GSK3B: variants seen among roughly 807,000 people sequenced by gnomAD.
GSK3B encodes the protein glycogen synthase kinase 3 beta, also known as glycogen synthase kinase-3 beta.
GSK3B carries 15 observed loss-of-function variants against 56.4 expected under a neutral mutation model. The observed-to-expected ratio is 0.27, with a 90% confidence interval of 0.18 to 0.41. GSK3B has a LOEUF of 0.41. Ranked by LOEUF, GSK3B falls within the 10% of genes least tolerant of loss-of-function variation. The pLI, the probability that GSK3B is intolerant of heterozygous loss-of-function variation, is 1.00. For missense variants in GSK3B, 300 were observed against 513.4 expected, an observed-to-expected ratio of 0.58 and a Z score of 4.02; for synonymous variants, 181 against 188.9, an observed-to-expected ratio of 0.96 and a Z score of 0.34.
At chr3:119,892,647 C>A (rs941272049) in intron 7 of GSK3B, among the ~76,000 whole-genome samples, 1 of 152,118 alleles carries the variant, frequency 6.6e-6, no homozygotes, top group Non-Finnish European at 1.5e-5. Context: ...AAACTGTTCA[C>A]TAAATTAACG....
intron 4 of GSK3B, among the ~76,000 whole-genome samples, chr3:119,917,229 T>A (rs1055286415): frequency 2.5e-4 from 38 of 152,204 alleles, no homozygotes; most frequent in African/African-American, 8.2e-4. Flanking sequence ...TTAATTAAAG[T>A]TAACATGAAA....
chr3:119,967,736 C>T (rs1280445500), intron 2 of GSK3B, among the ~76,000 whole-genome samples: 1 of 151,560 alleles, frequency 6.6e-6, no homozygotes, highest in African/African-American at 2.4e-5. Flanking sequence ...TTCCTTTCTC[C>T]CGTCCCGTCC....
In GSK3B at chr3:119,822,348, C is replaced by T. The variant is rs1218376867; in HGVS notation, c.*4440G>A. 1.0e-5 allele frequency: 2 copies of T among 200,880 alleles called. No homozygotes were observed. The highest frequency in any genetic ancestry group is 1.9e-4 in the South Asian group (1 of 5,248). 12.4% of individuals were successfully genotyped at this position (200,880 alleles called of 1,614,324 possible). On this transcript the variant is annotated 3_prime_UTR_variant, in exon 11 of 11. Transcript: ENST00000264235. ...ATGTGTACAGGCCCAAGTGATCCAT[C>T]GGCAACACATTTATAAATGCAAATT...
chr3:120,079,353 T>TCA (rs1404251558), intron 1 of GSK3B, among the ~76,000 whole-genome samples: 4 of 126,600 alleles, frequency 3.2e-5, no homozygotes, highest in Non-Finnish European at 5.1e-5. Flanking sequence ...CACACACATT[T>TCA]TTTTTTTTAA....
chr3:119,940,109 T>TG (rs558912187), intron 3 of GSK3B, among the ~76,000 whole-genome samples: 2,157 of 131,996 alleles, frequency 0.016, 45 homozygotes, highest in African/African-American at 0.067. Context: ...TGTGTGTGTG[T>TG]TTGTGTGTGT....
chr3:120,023,680 T>C lies in GSK3B; in HGVS notation c.89-21441A>G, dbSNP rs186035421. On this transcript the variant is annotated intron_variant, in intron 1 of 10. Coordinates refer to ENST00000264235, the MANE Select transcript of GSK3B (RefSeq NM_001146156.2). Reference sequence around the variant, plus strand: ...CATACACACACCCTCGTCACAAACCTTTGTCCTAGGTATCTCCAATATCCA... The same window carrying C: ...CATACACACACCCTCGTCACAAACCCTTGTCCTAGGTATCTCCAATATCCA... Among the ~76,000 whole-genome samples, 8 of 152,208 alleles carry C rather than the reference T, an allele frequency of 5.3e-5. No homozygotes were observed. The East Asian group carries it at 1.5e-3, about 29-fold the overall frequency.
chr3:120,091,611 A>G (rs2058513250), intron 1 of GSK3B, among the ~76,000 whole-genome samples: 1 of 152,184 alleles, frequency 6.6e-6, no homozygotes, highest in African/African-American at 2.4e-5. Flanking sequence ...CTATATTACC[A>G]AGATGTAAAA....
At chr3:119,939,975 A>C (rs551293967) in intron 3 of GSK3B, among the ~76,000 whole-genome samples, 1 of 152,232 alleles carries the variant, frequency 6.6e-6, no homozygotes, top group South Asian at 2.1e-4. Context: ...AAGTAAAGAA[A>C]AATGGAGAAT....
intron 1 of GSK3B, among the ~76,000 whole-genome samples, chr3:120,072,348 A>C (rs1207102821): frequency 6.6e-6 from 1 of 152,132 alleles, no homozygotes; most frequent in African/African-American, 2.4e-5. Context: ...ACTTGAAGTC[A>C]GGAGTTCAAG....
chr3:119,922,252 AGG>A (rs2056850095), intron 4 of GSK3B, among the ~76,000 whole-genome samples: 1 of 144,730 alleles, frequency 6.9e-6, no homozygotes, highest in South Asian at 2.2e-4. Flanking sequence ...GAAGGAAGGA[AGG>A]AAGGAAGGAA....
chr3:120,066,097 T>G (rs2058276057), intron 1 of GSK3B, among the ~76,000 whole-genome samples: 1 of 152,180 alleles, frequency 6.6e-6, no homozygotes, highest in South Asian at 2.1e-4. Flanking sequence ...AAGTAGTCAA[T>G]ACAACGCTAT....
At chr3:120,017,106 G>C (rs2057833922) in intron 1 of GSK3B, among the ~76,000 whole-genome samples, 1 of 152,180 alleles carries the variant, frequency 6.6e-6, no homozygotes, top group African/African-American at 2.4e-5. Flanking sequence ...TGGAGGGCAA[G>C]GGTAGACACT....
At chr3:120,010,824 T>G (rs897111186) in intron 1 of GSK3B, among the ~76,000 whole-genome samples, 8 of 152,190 alleles carry the variant, frequency 5.3e-5, no homozygotes, top group African/African-American at 1.9e-4. Context: ...TCCCAGCACT[T>G]TGGGAGGCCA....
intron 8 of GSK3B, among the ~76,000 whole-genome samples, chr3:119,875,853 T>A (rs558822851): frequency 2.0e-5 from 3 of 152,196 alleles, no homozygotes; most frequent in Admixed American, 2.0e-4. Context: ...AATGTTAAGG[T>A]TGGGTTTTTC....
At chr3:119,994,149 A>AC in intron 2 of GSK3B, among the ~76,000 whole-genome samples, 1 of 152,200 alleles carries the variant, frequency 6.6e-6, no homozygotes, top group Admixed American at 6.5e-5. Flanking sequence ...GGTGTGAGCC[A>AC]CTGCACCTGG....
At chr3:119,912,436 C>T (rs902270694) in intron 6 of GSK3B, among the ~76,000 whole-genome samples, 2 of 151,652 alleles carry the variant, frequency 1.3e-5, no homozygotes, top group Non-Finnish European at 2.9e-5. Flanking sequence ...GAAGTGAGCA[C>T]ATGCTCTTAT....
intron 7 of GSK3B, among the ~76,000 whole-genome samples, chr3:119,893,032 GAGTCTTGCTCTGTC>G (rs1182011328): frequency 6.6e-6 from 1 of 152,086 alleles, no homozygotes; most frequent in African/African-American, 2.4e-5. Flanking sequence ...TTTTGAGACA[GAGTCTTGCTCTGTC>G]AGCCTGGTTG....
At chr3:120,008,453 A>G (rs1396153153) in intron 1 of GSK3B, among the ~76,000 whole-genome samples, 1 of 152,246 alleles carries the variant, frequency 6.6e-6, no homozygotes, top group East Asian at 1.9e-4. Context: ...ACCTGACTTC[A>G]AACTTTACTA....
intron 1 of GSK3B, among the ~76,000 whole-genome samples, chr3:120,072,073 C>T (rs919314980): frequency 6.6e-6 from 1 of 152,170 alleles, no homozygotes; most frequent in Non-Finnish European, 1.5e-5. Flanking sequence ...GTCAGCCTGG[C>T]CCTCACCTGC....
Sources: gnomAD v4.1 joint callset for allele counts (sites outside exome capture counted in the v4.1 genomes callset) on GRCh38, gnomAD v4.1.1 for gene constraint, MANE v1.5 for transcripts, NCBI Gene and HGNC (gene_info 2026-07-23, HGNC 2026-07-21) for gene names.